PDE4DIP: variants seen among roughly 807,000 people sequenced by gnomAD.
PDE4DIP encodes myomegalin.
A neutral mutation model predicts 221.4 loss-of-function variants in PDE4DIP; 59 were observed. The ratio of observed to expected loss-of-function variants is 0.27; its 90% confidence interval spans 0.22 to 0.33. The LOEUF (loss-of-function observed/expected upper bound fraction) is 0.33, where lower values mean the gene tolerates loss of function less well. PDE4DIP is among the 10% of genes least tolerant of loss of function. The probability of loss-of-function intolerance (pLI) is 1.00; values close to 1 mark genes in which losing one functional copy is unlikely to be tolerated. For missense variants in PDE4DIP, 1,036 were observed against 2,154.2 expected, an observed-to-expected ratio of 0.48 and a Z score of 10.28; for synonymous variants, 404 against 815.9, an observed-to-expected ratio of 0.50 and a Z score of 8.60.
At chr1:149,022,095 G>A (rs2073163385) in intron 37 of PDE4DIP, among the ~76,000 whole-genome samples, 1 of 150,068 alleles carries the variant, frequency 6.7e-6, no homozygotes. Context: ...ATGGACATGA[G>A]GGTTTGGGGT....
intron 40 of PDE4DIP, 52 bp from the exon 44 acceptor site, chr1:149,028,508 T>C (rs1698581): frequency 1.2e-4 from 185 of 1,567,424 alleles, no homozygotes; most frequent in Admixed American, 1.1e-3. Flanking sequence ...CTTGAGCCCA[T>C]GCAGGGGGAA....
At chr1:148,997,895 C>T (rs1278253997) in intron 22 of PDE4DIP, among the ~76,000 whole-genome samples, 2 of 152,302 alleles carry the variant, frequency 1.3e-5, no homozygotes, top group African/African-American at 4.8e-5. Context: ...GTGCTTTTCT[C>T]CCTCACCATC....
chr1:148,930,542 T>TACACACC (rs2047717132), intron 2 of PDE4DIP: 1 of 150,556 alleles, frequency 6.6e-6, no homozygotes, highest in Non-Finnish European at 1.5e-5. Context: ...GTAGCATTTC[T>TACACACC]ACACACCAAT....
chr1:148,967,295 A>T (rs1453700987), intron 12 of PDE4DIP, among the ~76,000 whole-genome samples: 3 of 152,080 alleles, frequency 2.0e-5, no homozygotes, highest in Admixed American at 2.0e-4. Context: ...TCTCTCTCTT[A>T]CTTTTACTGA....
At chr1:148,890,966 T>C (rs1452490349) in intron 1 of PDE4DIP, among the ~76,000 whole-genome samples, 10 of 13,428 alleles carry the variant, frequency 7.4e-4, no homozygotes, top group Non-Finnish European at 1.1e-3. Flanking sequence ...ATACCTCTCC[T>C]AGAGAAAGTG....
intron 13 of PDE4DIP, among the ~76,000 whole-genome samples, chr1:148,968,126 C>T (rs1468494404): frequency 5.4e-5 from 8 of 146,992 alleles, no homozygotes; most frequent in Non-Finnish European, 1.1e-4. Flanking sequence ...ATTAATGAGA[C>T]CCAAAAATTG....
intron 22 of PDE4DIP, chr1:148,992,879 C>T (rs1474049583): frequency 2.8e-6 from 3 of 1,060,768 alleles, no homozygotes; most frequent in Non-Finnish European, 3.4e-6. Context: ...GCCTGTATGT[C>T]TTCTGCATAA....
exon 14 of PDE4DIP, chr1:148,968,895 G>T (rs1364487301): frequency 1.9e-6 from 3 of 1,613,660 alleles, no homozygotes; most frequent in African/African-American, 2.7e-5. Flanking sequence ...TAGCAGAGGA[G>T]CTGTGCCAGC....
chr1:148,822,489 C>G (rs1664032), intron 1 of PDE4DIP, among the ~76,000 whole-genome samples: 1 of 148,664 alleles, frequency 6.7e-6, no homozygotes, highest in Non-Finnish European at 1.5e-5. Flanking sequence ...CTGCTTCTTA[C>G]GAGGATCTAA....
chr1:148,966,975 A>C (rs782715967), exon 12 of PDE4DIP: 2 of 1,575,972 alleles, frequency 1.3e-6, no homozygotes, highest in East Asian at 4.5e-5. Flanking sequence ...GCTACTATGC[A>C]AGTAAGAGCA....
intron 25 of PDE4DIP, among the ~76,000 whole-genome samples, chr1:149,003,253 TG>T (rs1411143167): frequency 8.5e-6 from 1 of 118,138 alleles, no homozygotes; most frequent in Non-Finnish European, 1.7e-5. Context: ...TCTAGGGTCT[TG>T]GGACTCTAAA....
chr1:148,973,723 GA>G (rs142751744), intron 16 of PDE4DIP, among the ~76,000 whole-genome samples: 2 of 151,516 alleles, frequency 1.3e-5, no homozygotes, highest in South Asian at 2.1e-4. Flanking sequence ...TAATGTTTAA[GA>G]TTTTTTTGTA....
rs1469713274 is a variant in PDE4DIP at position 148,820,722 on chromosome 1, G to C, written c.233+11985G>C. On this transcript the variant is annotated intron_variant, in intron 1 of 45. Transcript: ENST00000524974. ...TAACCCTACTTTTTTTTTGGGGGGG[G>C]GGTGGCTAGAATTGTCTTCTTTGCC... is the stretch of plus-strand genomic sequence containing the variant. Among the ~76,000 whole-genome samples, 14 of 148,798 alleles carry C rather than the reference G, an allele frequency of 9.4e-5. No individual in the cohort carries two copies. The East Asian group carries it at 1.4e-3, about 14-fold the overall frequency.
In PDE4DIP at chr1:149,005,471, T is replaced by G. The variant is rs587764163; in HGVS notation, c.4415+34T>G. On this transcript the variant is annotated intron_variant, in intron 27 of 43. Coordinates refer to ENST00000369354, the Ensembl canonical transcript of PDE4DIP. ...GGCACTGTTTGGGTACTTTCTTGAT[T>G]GAAAATGTGTAAGTTCATGCTTGGC... 5.1e-6 allele frequency: 7 copies of G among 1,376,532 alleles called. No homozygotes were observed. The South Asian group carries it at 7.1e-5, about 14-fold the overall frequency. The allele number at this position is 1,376,532 out of a possible 1,614,324, so 85.3% of individuals were successfully genotyped here.
intron 1 of PDE4DIP, among the ~76,000 whole-genome samples, chr1:148,919,777 C>T (rs1203900611): frequency 4.0e-5 from 6 of 150,780 alleles, no homozygotes; most frequent in Non-Finnish European, 7.4e-5. Flanking sequence ...GATTTTGAAA[C>T]TCTTCCTCCT....
At chr1:148,986,832 A>G (rs1262457655) in intron 21 of PDE4DIP, among the ~76,000 whole-genome samples, 1 of 152,170 alleles carries the variant, frequency 6.6e-6, no homozygotes, top group Non-Finnish European at 1.5e-5. Context: ...AGAAAAACCT[A>G]TTTCTCGTTT....
chr1:148,989,707 A>T (rs2062630895), intron 21 of PDE4DIP, among the ~76,000 whole-genome samples: 1 of 152,156 alleles, frequency 6.6e-6, no homozygotes. Context: ...AACAATGTGA[A>T]CAGTCTGTTT....
chr1:148,944,760 A>G (rs1416643381), intron 5 of PDE4DIP, among the ~76,000 whole-genome samples: 7 of 151,968 alleles, frequency 4.6e-5, no homozygotes, highest in Non-Finnish European at 8.8e-5. Flanking sequence ...AATCCCAGCT[A>G]CTGGGGAGGC....
At chr1:148,989,619 G>A (rs1416708704) in intron 21 of PDE4DIP, among the ~76,000 whole-genome samples, 1 of 152,146 alleles carries the variant, frequency 6.6e-6, no homozygotes, top group Non-Finnish European at 1.5e-5. Flanking sequence ...ACAATGGTAG[G>A]GGATGAGGAT....
Sources: gnomAD v4.1 joint callset for allele counts (sites outside exome capture counted in the v4.1 genomes callset) on GRCh38, gnomAD v4.1.1 for gene constraint, MANE v1.5 for transcripts, NCBI Gene and HGNC (gene_info 2026-07-23, HGNC 2026-07-21) for gene names.